PAK1: variants seen among roughly 807,000 people sequenced by gnomAD.
PAK1 encodes the protein p21 (RAC1) activated kinase 1.
A neutral mutation model predicts 67.4 loss-of-function variants in PAK1; 29 were observed. That is an observed-to-expected ratio of 0.43 (90% CI 0.32 to 0.59). PAK1 has a LOEUF of 0.59. Among genes scored for constraint, PAK1 ranks in the 20% least tolerant of loss-of-function variants. The pLI is 0.07. For missense variants in PAK1, 337 were observed against 670.7 expected (o/e 0.50, Z 5.50); for synonymous variants, 223 against 237.4 (o/e 0.94, Z 0.56).
intron 5 of PAK1, among the ~76,000 whole-genome samples, chr11:77,369,135 T>G (rs1402879065): frequency 2.6e-5 from 4 of 152,186 alleles, no homozygotes; most frequent in African/African-American, 7.2e-5. Context: ...AATGTTCCTT[T>G]GGACATGAAC....
At chr11:77,407,274 C>T (rs778028545) in intron 1 of PAK1, among the ~76,000 whole-genome samples, 9 of 152,120 alleles carry the variant, frequency 5.9e-5, no homozygotes, top group Non-Finnish European at 7.3e-5. Flanking sequence ...ACTATCTGTT[C>T]GACCTTAAAT....
intron 5 of PAK1, among the ~76,000 whole-genome samples, chr11:77,368,680 A>G (rs1331879576): frequency 6.6e-6 from 1 of 151,928 alleles, no homozygotes; most frequent in African/African-American, 2.4e-5. Context: ...TTTTTGAGAT[A>G]CAGTCCCACT....
intron 2 of PAK1, among the ~76,000 whole-genome samples, chr11:77,380,409 T>C (rs1324700881): frequency 1.3e-5 from 2 of 152,100 alleles, no homozygotes; most frequent in African/African-American, 4.8e-5. Flanking sequence ...AAGAGGATCA[T>C]TTGAGCCCAG....
chr11:77,478,702 C>T (rs1958085625), upstream of PAK1, among the ~76,000 whole-genome samples: 1 of 151,164 alleles, frequency 6.6e-6, no homozygotes, highest in African/African-American at 2.4e-5. Context: ...ATTGCTTGAG[C>T]CCGGGAGGCA....
At chr11:77,411,138 T>C (rs985416790) in intron 1 of PAK1, among the ~76,000 whole-genome samples, 2 of 151,918 alleles carry the variant, frequency 1.3e-5, no homozygotes, top group Non-Finnish European at 2.9e-5. Flanking sequence ...TTCAAAAGGC[T>C]GGCTGGAAGA....
rs564768075 is a variant in PAK1, at chr11:77,333,358, C to T, written c.1414-491G>A. Among the ~76,000 whole-genome samples the T allele has an allele frequency of 5.3e-5, 8 of 152,058 alleles. No individual in the cohort carries two copies. In the South Asian group the frequency reaches 6.2e-4, roughly 12 times the overall value. ...GATTACAGGCACCAGCCACTACACC[C>T]GACTGCTTTTCGTATTTTCAGTAGA... On this transcript the variant is annotated intron_variant, in intron 13 of 14. Coordinates refer to ENST00000356341, the MANE Select transcript of PAK1 (RefSeq NM_002576.5).
chr11:77,425,824 C>T (rs563864765), intron 1 of PAK1, among the ~76,000 whole-genome samples: 4 of 152,252 alleles, frequency 2.6e-5, no homozygotes, highest in African/African-American at 9.6e-5. Context: ...TCAAGATATT[C>T]TTAGTGCAGT....
At chr11:77,440,036 T>G (rs547191245) in intron 1 of PAK1, among the ~76,000 whole-genome samples, 1 of 152,178 alleles carries the variant, frequency 6.6e-6, no homozygotes, top group Non-Finnish European at 1.5e-5. Context: ...TATTATAAAC[T>G]TAATCCCCGG....
chr11:77,476,963 A>G (rs1958067071), upstream of PAK1: 1 of 152,200 alleles, frequency 6.6e-6, no homozygotes, highest in Non-Finnish European at 1.5e-5. Context: ...GCCTAGAGAC[A>G]AGAGTGAAAC....
intron 1 of PAK1, among the ~76,000 whole-genome samples, chr11:77,472,632 C>G (rs902604827): frequency 6.6e-6 from 1 of 152,232 alleles, no homozygotes; most frequent in East Asian, 1.9e-4. Context: ...GGTATCTGTA[C>G]TGATAATTCC....
rs192728530 is a variant in PAK1 at position 77,426,304 on chromosome 11, T to C, written c.-21-33763A>G. On this transcript the variant is annotated intron_variant, in intron 1 of 14. Transcript: ENST00000356341. ...AAGATAATGGAAGTAAACGTAGCTT[T>C]AGTGTGAAATTATGGCATATACTAA... is the stretch of plus-strand genomic sequence containing the variant. Among the ~76,000 whole-genome samples the C allele has an allele frequency of 1.4e-3, 211 of 152,198 alleles. 1 individual carries two copies. The highest frequency in any genetic ancestry group is 4.8e-3 in the African/African-American group (198 of 41,516).
the PAK1 span, among the ~76,000 whole-genome samples, chr11:77,513,150 T>C: frequency 6.6e-6 from 1 of 152,164 alleles, no homozygotes; most frequent in African/African-American, 2.4e-5. Flanking sequence ...CGTCATTGAC[T>C]CCAGGTAAGC....
At chr11:77,326,905 A>G (rs1940062308) in intron 14 of PAK1, among the ~76,000 whole-genome samples, 1 of 152,170 alleles carries the variant, frequency 6.6e-6, no homozygotes, top group Non-Finnish European at 1.5e-5. Flanking sequence ...AGATGAATGG[A>G]TAACAAGAAT....
chr11:77,493,060 G>A, the PAK1 span, among the ~76,000 whole-genome samples: 1 of 152,004 alleles, frequency 6.6e-6, no homozygotes, highest in African/African-American at 2.4e-5. Context: ...TGCGAGAATG[G>A]ACTAATACAC....
intron 5 of PAK1, among the ~76,000 whole-genome samples, chr11:77,365,872 G>A (rs1244579164): frequency 2.0e-5 from 3 of 151,330 alleles, no homozygotes; most frequent in Non-Finnish European, 4.4e-5. Context: ...ACACCTAAAC[G>A]CACAGTCAGA....
At chr11:77,442,340 G>A (rs1956391583) in intron 1 of PAK1, among the ~76,000 whole-genome samples, 1 of 152,178 alleles carries the variant, frequency 6.6e-6, no homozygotes, top group African/African-American at 2.4e-5. Context: ...CACTTCTGAA[G>A]TTTGATTACA....
chr11:77,372,779 AC>A (rs1948608342), intron 5 of PAK1, among the ~76,000 whole-genome samples: 1 of 152,130 alleles, frequency 6.6e-6, no homozygotes, highest in Admixed American at 6.5e-5. Flanking sequence ...TTCCTTGCCC[AC>A]ATACATGCTA....
At chr11:77,485,189 G>T in the PAK1 span, among the ~76,000 whole-genome samples, 1 of 152,166 alleles carries the variant, frequency 6.6e-6, no homozygotes, top group Non-Finnish European at 1.5e-5. Context: ...AGAGGTGGGG[G>T]TGAGGGGAAT....
intron 1 of PAK1, among the ~76,000 whole-genome samples, chr11:77,431,001 T>C (rs1043584413): frequency 1.3e-4 from 20 of 152,208 alleles, no homozygotes; most frequent in African/African-American, 4.6e-4. Context: ...ATGAGAAGGA[T>C]CTAGGTTGTG....
Sources: allele counts gnomAD v4.1 joint callset (sites outside exome capture counted in the v4.1 genomes callset), GRCh38; gene constraint gnomAD v4.1.1; transcripts MANE v1.5; gene names NCBI Gene and HGNC (gene_info 2026-07-23, HGNC 2026-07-21).